The following P2RY12 variants were observed in gnomAD, a reference collection of about 807,000 sequenced individuals.
P2RY12 encodes the protein P2Y purinoceptor 12.
P2RY12 carries 3 observed loss-of-function variants against 4.5 expected under a neutral mutation model. The observed-to-expected ratio is 0.67, with a 90% confidence interval of 0.31 to 1.74. The LOEUF (loss-of-function observed/expected upper bound fraction) is 1.74, where lower values mean the gene tolerates loss of function less well. Ranked by LOEUF, P2RY12 falls within the 40% of genes most tolerant of loss-of-function variation. The probability of loss-of-function intolerance (pLI) is 0.09; values close to 1 mark genes in which losing one functional copy is unlikely to be tolerated. For synonymous variants in P2RY12, 148 were observed against 154.1 expected (o/e 0.96, Z 0.29); for missense variants, 356 against 407.8 (o/e 0.87, Z 1.09).
intron 1 of P2RY12, among the ~76,000 whole-genome samples, chr3:151,361,169 A>T (rs1462776884): frequency 6.6e-6 from 1 of 152,042 alleles, no homozygotes; most frequent in African/African-American, 2.4e-5. Flanking sequence ...TTTCCTGGTG[A>T]CTCATAGAAG....
intron 1 of P2RY12, chr3:151,355,769 C>T (rs1014935437): frequency 8.7e-6 from 6 of 686,090 alleles, no homozygotes; most frequent in Non-Finnish European, 1.3e-5. Context: ...TATAGAAACA[C>T]GTTTTGACTT....
intron 1 of P2RY12, among the ~76,000 whole-genome samples, chr3:151,368,652 T>G (rs187331792): frequency 1.3e-4 from 8 of 61,374 alleles, no homozygotes; most frequent in South Asian, 1.3e-3. Flanking sequence ...TTCATTTCAT[T>G]TCATTTCATT....
At chr3:151,359,125 C>T (rs1754304029) in intron 1 of P2RY12, among the ~76,000 whole-genome samples, 1 of 152,056 alleles carries the variant, frequency 6.6e-6, no homozygotes, top group Non-Finnish European at 1.5e-5. Flanking sequence ...TTGTTCTCAT[C>T]CTTATGTCCA....
chr3:151,339,242 G>T (rs1428474763), intron 2 of P2RY12, among the ~76,000 whole-genome samples: 1 of 151,706 alleles, frequency 6.6e-6, no homozygotes, highest in Non-Finnish European at 1.5e-5. Flanking sequence ...TTAGCTTTTT[G>T]GTTTCTATTC....
intron 1 of P2RY12, among the ~76,000 whole-genome samples, chr3:151,368,477 T>C (rs1044667993): frequency 1.3e-5 from 2 of 152,046 alleles, no homozygotes; most frequent in African/African-American, 4.8e-5. Context: ...TAGTAAGCAA[T>C]AAAAATACCT....
At chr3:151,358,898 C>G (rs1754270367) in intron 1 of P2RY12, among the ~76,000 whole-genome samples, 1 of 152,106 alleles carries the variant, frequency 6.6e-6, no homozygotes, top group Non-Finnish European at 1.5e-5. Context: ...ACTTTAGTCA[C>G]AAAATAATTT....
intron 1 of P2RY12, among the ~76,000 whole-genome samples, chr3:151,371,715 A>G (rs1756211277): frequency 6.6e-6 from 1 of 152,222 alleles, no homozygotes; most frequent in Non-Finnish European, 1.5e-5. Flanking sequence ...GTCAAGGCCT[A>G]TGATCCTGTG....
At chr3:151,367,061 G>A (rs748905545) in intron 1 of P2RY12, among the ~76,000 whole-genome samples, 1 of 152,112 alleles carries the variant, frequency 6.6e-6, no homozygotes, top group African/African-American at 2.4e-5. Context: ...CCAAGGTCAC[G>A]TGAGATCTAG....
chr3:151,348,886 C>T (rs1752898892), intron 1 of P2RY12, among the ~76,000 whole-genome samples: 3 of 152,186 alleles, frequency 2.0e-5, no homozygotes, highest in Admixed American at 2.0e-4. Flanking sequence ...TTCTCCTAGT[C>T]TGAGGTTTTT....
chr3:151,343,340 T>G (rs1471377812), intron 1 of P2RY12, among the ~76,000 whole-genome samples: 1 of 152,180 alleles, frequency 6.6e-6, no homozygotes, highest in Non-Finnish European at 1.5e-5. Flanking sequence ...TTTCTAAACC[T>G]CTAGAAGGGC....
chr3:151,382,178 G>A (rs554985459), intron 1 of P2RY12, among the ~76,000 whole-genome samples: 2 of 152,098 alleles, frequency 1.3e-5, no homozygotes, highest in African/African-American at 2.4e-5. Flanking sequence ...TCAAAGTACC[G>A]TGCGTTCTCT....
chr3:151,374,045 C>T (rs911940411), intron 1 of P2RY12, among the ~76,000 whole-genome samples: 2 of 152,116 alleles, frequency 1.3e-5, no homozygotes, highest in Admixed American at 6.5e-5. Context: ...AATCCAACCC[C>T]ACAAAGTTGT....
rs144247415 is a variant in P2RY12, at chr3:151,376,222, G to A, written c.-180+8470C>T. The A allele has an allele frequency of 5.1e-4, 747 of 1,452,314 alleles. 4 individuals are homozygous for A. The East Asian group carries it at 0.01, about 20-fold the overall frequency. The allele number at this position is 1,452,314 out of a possible 1,614,324, so 90.0% of individuals were successfully genotyped here. On this transcript the variant is annotated intron_variant, in intron 1 of 2. Coordinates refer to ENST00000302632, the MANE Select transcript of P2RY12 (RefSeq NM_022788.5). ...ATTAAGCGTATTCTTCAGGTCAGTC[G>A]TATACAGATTGTGTTTCTGTCATTT... is the stretch of plus-strand genomic sequence containing the variant.
At chr3:151,348,340 C>CAAA (rs11382065) in intron 1 of P2RY12, among the ~76,000 whole-genome samples, 45 of 87,806 alleles carry the variant, frequency 5.1e-4, no homozygotes, top group East Asian at 9.6e-4. Context: ...ACCACCAGAC[C>CAAA]AAAAAAAAAA....
chr3:151,351,981 A>G (rs891956341), intron 1 of P2RY12, among the ~76,000 whole-genome samples: 4 of 152,198 alleles, frequency 2.6e-5, no homozygotes, highest in African/African-American at 7.2e-5. Context: ...CAGGTGAGGT[A>G]TTCCTTATAC....
At chr3:151,338,901 A>C in intron 2 of P2RY12, 42 bp from the exon 3 acceptor site, 1 of 1,561,312 alleles carries the variant, frequency 6.4e-7, no homozygotes, top group South Asian at 1.1e-5. Flanking sequence ...AGCCTAAGGT[A>C]GTTATTATTG....
intron 1 of P2RY12, chr3:151,350,343 C>A: frequency 1.5e-6 from 1 of 683,626 alleles, no homozygotes; most frequent in Non-Finnish European, 2.2e-6. Flanking sequence ...GAAATGTGAA[C>A]AAGCACATTT....
chr3:151,374,274 G>A lies in P2RY12; in HGVS notation c.-180+10418C>T, dbSNP rs140898410. Among the ~76,000 whole-genome samples the A allele has an allele frequency of 8.9e-4, 135 of 152,328 alleles. 1 individual carries two copies. Among genetic ancestry groups the A allele is most frequent in the East Asian group, 3.5e-3 (18 of 5,184 alleles). Reference sequence around the variant, plus strand: ...TCAAAAATGTACACTAGGCTAGGGCGCAGCGGCTCAAGCCTGTAATCCCAG... The same window carrying A: ...TCAAAAATGTACACTAGGCTAGGGCACAGCGGCTCAAGCCTGTAATCCCAG... On this transcript the variant is annotated intron_variant, in intron 1 of 2. Coordinates refer to ENST00000302632, the MANE Select transcript of P2RY12 (RefSeq NM_022788.5).
intron 1 of P2RY12, among the ~76,000 whole-genome samples, chr3:151,370,035 C>T (rs934084753): frequency 6.6e-6 from 1 of 151,900 alleles, no homozygotes; most frequent in African/African-American, 2.4e-5. Flanking sequence ...TTTTGATGAC[C>T]CAGGCAATAG....
Sources: gnomAD v4.1 joint callset for allele counts (sites outside exome capture counted in the v4.1 genomes callset) on GRCh38, gnomAD v4.1.1 for gene constraint, MANE v1.5 for transcripts, NCBI Gene and HGNC (gene_info 2026-07-23, HGNC 2026-07-21) for gene names.